SUGCT: variants seen among roughly 807,000 people sequenced by gnomAD.
SUGCT encodes the protein succinyl-CoA:glutarate-CoA transferase.
In SUGCT, 41 loss-of-function variants were observed where a neutral mutation model predicts 55.0. The observed-to-expected ratio is 0.74, with a 90% CI of 0.58 to 0.97. The LOEUF is 0.97. SUGCT is among the 50% of genes least tolerant of loss of function. The pLI is 0.00. For synonymous variants in SUGCT, 187 were observed against 200.4 expected (o/e 0.93, Z 0.56); for missense variants, 568 against 547.8 (o/e 1.04, Z -0.37).
intron 9 of SUGCT, among the ~76,000 whole-genome samples, chr7:40,423,565 A>G (rs1787426182): frequency 6.6e-6 from 1 of 152,154 alleles, no homozygotes; most frequent in African/African-American, 2.4e-5. Context: ...AATTTTTACT[A>G]AGAACACACT....
chr7:40,664,683 TA>T (rs1202230153), intron 12 of SUGCT, among the ~76,000 whole-genome samples: 1 of 152,214 alleles, frequency 6.6e-6, no homozygotes, highest in Admixed American at 6.5e-5. Context: ...TAAATTTAAT[TA>T]AAATCTTTTT....
At chr7:40,553,367 G>A (rs548467366) in intron 12 of SUGCT, among the ~76,000 whole-genome samples, 11 of 152,268 alleles carry the variant, frequency 7.2e-5, no homozygotes, top group African/African-American at 2.4e-4. Flanking sequence ...CTGGATTGAT[G>A]TTGTCTTTAA....
the SUGCT span, chr7:40,966,792 A>G: frequency 6.6e-6 from 1 of 152,330 alleles, no homozygotes; most frequent in East Asian, 1.9e-4. Context: ...TGGGTTTACA[A>G]ATTGCCTAAA....
At chr7:40,509,251 A>T (rs1446376751) in intron 12 of SUGCT, among the ~76,000 whole-genome samples, 1 of 152,050 alleles carries the variant, frequency 6.6e-6, no homozygotes. Context: ...CTCCCTGGTT[A>T]TTTCCAGTTT....
the SUGCT span, among the ~76,000 whole-genome samples, chr7:41,037,703 G>C: frequency 4.8e-4 from 72 of 150,720 alleles, no homozygotes; most frequent in Admixed American, 9.9e-4. Flanking sequence ...GCAGACCGTG[G>C]AAATGCCTCA....
chr7:40,241,242 T>TA (rs1789363401), intron 7 of SUGCT, among the ~76,000 whole-genome samples: 5 of 152,310 alleles, frequency 3.3e-5, no homozygotes, highest in Admixed American at 3.3e-4. Flanking sequence ...TCCTATAGTG[T>TA]TATAATAATG....
At chr7:40,873,164 A>T in the SUGCT span, among the ~76,000 whole-genome samples, 1 of 152,246 alleles carries the variant, frequency 6.6e-6, no homozygotes, top group African/African-American at 2.4e-5. Context: ...ATTAATCAAC[A>T]TTTGCAATTC....
intron 8 of SUGCT, among the ~76,000 whole-genome samples, chr7:40,307,239 C>T (rs1361107016): frequency 6.6e-6 from 1 of 152,070 alleles, no homozygotes; most frequent in Non-Finnish European, 1.5e-5. Context: ...TGCAGTGAAG[C>T]CAAACCATAT....
intron 1 of SUGCT, among the ~76,000 whole-genome samples, chr7:40,140,788 A>C (rs1787942057): frequency 6.6e-6 from 1 of 152,178 alleles, no homozygotes; most frequent in Non-Finnish European, 1.5e-5. Flanking sequence ...AAAATGTGAT[A>C]ACACCAGCTT....
intron 9 of SUGCT, among the ~76,000 whole-genome samples, chr7:40,345,844 T>A (rs564525933): frequency 2.0e-5 from 3 of 152,274 alleles, no homozygotes; most frequent in South Asian, 4.1e-4. Context: ...TGTTTTTACA[T>A]GTTTGTAGAT....
chr7:40,578,995 GC>G (rs1440737619), intron 12 of SUGCT, among the ~76,000 whole-genome samples: 7 of 152,100 alleles, frequency 4.6e-5, no homozygotes, highest in Admixed American at 4.6e-4. Flanking sequence ...GTTAATTCAT[GC>G]CTGCAATGTA....
intron 9 of SUGCT, among the ~76,000 whole-genome samples, chr7:40,327,101 C>T (rs760182119): frequency 1.3e-5 from 2 of 152,166 alleles, no homozygotes; most frequent in South Asian, 4.1e-4. Flanking sequence ...TTAGAATATT[C>T]AAAAGTTGGT....
chr7:40,911,256 A>T, the SUGCT span, among the ~76,000 whole-genome samples: 1 of 152,262 alleles, frequency 6.6e-6, no homozygotes, highest in African/African-American at 2.4e-5. Flanking sequence ...AGCCACCAAA[A>T]GTTGTATCAA....
intron 9 of SUGCT, among the ~76,000 whole-genome samples, chr7:40,400,883 G>T (rs555533768): frequency 1.3e-5 from 2 of 152,238 alleles, no homozygotes; most frequent in African/African-American, 4.8e-5. Flanking sequence ...AGATGTAGGT[G>T]GGGAAAAGAT....
At chr7:40,926,049 C>T in the SUGCT span, among the ~76,000 whole-genome samples, 30 of 151,874 alleles carry the variant, frequency 2.0e-4, no homozygotes, top group African/African-American at 6.8e-4. Flanking sequence ...ACTATGATCC[C>T]ATGATCACGC....
At chr7:40,467,847 TG>T (rs1790202987) in intron 11 of SUGCT, among the ~76,000 whole-genome samples, 1 of 152,156 alleles carries the variant, frequency 6.6e-6, no homozygotes, top group Non-Finnish European at 1.5e-5. Context: ...ATGGCCTTTT[TG>T]TAGGTGGATA....
the SUGCT span, among the ~76,000 whole-genome samples, chr7:40,940,670 C>T: frequency 6.6e-6 from 1 of 151,140 alleles, no homozygotes; most frequent in Admixed American, 6.6e-5. Context: ...TTCTTGATTT[C>T]ATTCTCAGAT....
At position 40,290,951 on chromosome 7, in the gene SUGCT, A is replaced by G. The variant is rs564023901; in HGVS notation, c.720+16295A>G. The stretch of plus-strand genomic sequence containing the variant: ...CAGAGAAATGCAAATCAAAACCACA[A>G]TGAGATACCACCTCCCACCAGTTAG... On this transcript the variant is annotated intron_variant, in intron 8 of 13. Transcript: ENST00000335693. Among the ~76,000 whole-genome samples the G allele has an allele frequency of 3.9e-5, 6 of 152,320 alleles. No individual in the cohort carries two copies. In the East Asian group the frequency reaches 1.2e-3, roughly 29 times the overall value.
At chr7:40,961,573 C>G in the SUGCT span, among the ~76,000 whole-genome samples, 1 of 152,170 alleles carries the variant, frequency 6.6e-6, no homozygotes, top group African/African-American at 2.4e-5. Context: ...GCAATTAAAG[C>G]CTAAGATAGA....
Sources: gnomAD v4.1 joint callset for allele counts (sites outside exome capture counted in the v4.1 genomes callset) on GRCh38, gnomAD v4.1.1 for gene constraint, MANE v1.5 for transcripts, NCBI Gene and HGNC (gene_info 2026-07-23, HGNC 2026-07-21) for gene names.